Variants in RPH3A observed in about 807,000 individuals in gnomAD.
The protein encoded by RPH3A is rabphilin 3A.
In RPH3A, 48 loss-of-function variants were observed where a neutral mutation model predicts 102.2. That is an observed-to-expected ratio of 0.47 (90% confidence interval 0.37 to 0.60). RPH3A has a LOEUF of 0.60. Ranked by LOEUF, RPH3A falls within the 20% of genes least tolerant of loss-of-function variation. The pLI is 0.00. For missense variants in RPH3A, 781 were observed against 910.1 expected, an observed-to-expected ratio of 0.86 and a Z score of 1.83; for synonymous variants, 310 against 324.3, an observed-to-expected ratio of 0.96 and a Z score of 0.47.
At chr12:112,591,074 T>C (rs2039474124) in intron 1 of RPH3A, among the ~76,000 whole-genome samples, 1 of 152,080 alleles carries the variant, frequency 6.6e-6, no homozygotes, top group African/African-American at 2.4e-5. Context: ...CACCTCAGCC[T>C]CCTAAGTAGC....
chr12:112,838,390 T>C (rs1565910996), intron 4 of RPH3A, among the ~76,000 whole-genome samples: 1 of 152,254 alleles, frequency 6.6e-6, no homozygotes. Flanking sequence ...CCTTCTGCAC[T>C]CCCATTAGTC....
chr12:112,738,728 TC>T, intron 1 of RPH3A, among the ~76,000 whole-genome samples: 1 of 152,276 alleles, frequency 6.6e-6, no homozygotes, highest in East Asian at 1.9e-4. Flanking sequence ...ATTAAACCCG[TC>T]CCATCACAGC....
intron 1 of RPH3A, among the ~76,000 whole-genome samples, chr12:112,764,925 G>T (rs749975823): frequency 7.2e-5 from 11 of 152,096 alleles, no homozygotes; most frequent in Non-Finnish European, 1.6e-4. Flanking sequence ...TACTTAACGT[G>T]ATGTCTATTT....
intron 1 of RPH3A, among the ~76,000 whole-genome samples, chr12:112,735,294 G>A (rs1030095872): frequency 6.6e-6 from 1 of 152,302 alleles, no homozygotes; most frequent in South Asian, 2.1e-4. Context: ...AATTCCACTG[G>A]GACCCTAAAG....
chr12:112,658,104 C>T (rs181921624), intron 1 of RPH3A, among the ~76,000 whole-genome samples: 1 of 152,268 alleles, frequency 6.6e-6, no homozygotes, highest in Admixed American at 6.5e-5. Context: ...AGTAGGGCAT[C>T]TCTGGAAGAC....
intron 19 of RPH3A, 116 bp downstream of exon 19, chr12:112,891,119 G>GA: frequency 3.4e-6 from 4 of 1,193,900 alleles, no homozygotes; most frequent in Non-Finnish European, 4.7e-6. Context: ...AGAGGGCAAG[G>GA]AACCTGCCCA....
At chr12:112,695,823 C>G (rs1480140547) in intron 1 of RPH3A, among the ~76,000 whole-genome samples, 4 of 151,960 alleles carry the variant, frequency 2.6e-5, no homozygotes, top group African/African-American at 9.7e-5. Context: ...GTTTTTTTTG[C>G]TACTAGTTAT....
intron 1 of RPH3A, among the ~76,000 whole-genome samples, chr12:112,588,399 C>T (rs887329990): frequency 2.0e-5 from 3 of 148,438 alleles, no homozygotes; most frequent in Admixed American, 1.3e-4. Flanking sequence ...AAAGAAAGTG[C>T]GTGCAGGGGA....
intron 5 of RPH3A, among the ~76,000 whole-genome samples, chr12:112,861,506 G>A (rs752044355): frequency 6.6e-6 from 1 of 152,226 alleles, no homozygotes; most frequent in Non-Finnish European, 1.5e-5. Flanking sequence ...CCCCGTGGCT[G>A]TACATGGCAC....
intron 1 of RPH3A, among the ~76,000 whole-genome samples, chr12:112,734,624 G>C (rs1162975785): frequency 1.3e-5 from 2 of 152,194 alleles, no homozygotes; most frequent in Admixed American, 6.5e-5. Flanking sequence ...TGGGCTGCTG[G>C]ACTCAGGATA....
intron 1 of RPH3A, among the ~76,000 whole-genome samples, chr12:112,764,456 T>A (rs1220010136): frequency 6.6e-6 from 1 of 152,164 alleles, no homozygotes; most frequent in Non-Finnish European, 1.5e-5. Flanking sequence ...TTTGAAGGTA[T>A]AAGACTCAGT....
At chr12:112,894,518 C>T in intron 19 of RPH3A, 60 bp from the exon 20 acceptor site, 4 of 1,497,032 alleles carry the variant, frequency 2.7e-6, no homozygotes, top group Non-Finnish European at 3.7e-6. Context: ...CCTTTGGGGT[C>T]AAGAGGCTGT....
At chr12:112,769,285 T>G (rs970127731) in intron 1 of RPH3A, among the ~76,000 whole-genome samples, 4 of 152,248 alleles carry the variant, frequency 2.6e-5, no homozygotes, top group Non-Finnish European at 5.9e-5. Context: ...CATTGGGTGC[T>G]GGTTTTAGAG....
intron 1 of RPH3A, among the ~76,000 whole-genome samples, chr12:112,727,804 C>T (rs1271798341): frequency 6.6e-6 from 1 of 152,100 alleles, no homozygotes; most frequent in Admixed American, 6.6e-5. Context: ...AATGAAACCA[C>T]ACAGTGTCTA....
intron 12 of RPH3A, 88 bp downstream of exon 12, chr12:112,875,829 C>T (rs2042788882): frequency 1.7e-6 from 2 of 1,191,310 alleles, no homozygotes; most frequent in Non-Finnish European, 2.5e-6. Context: ...CAGAACGTGA[C>T]TCAGCCTGCA....
intron 1 of RPH3A, among the ~76,000 whole-genome samples, chr12:112,711,834 A>AT (rs1280828367): frequency 1.5e-4 from 23 of 151,756 alleles, no homozygotes; most frequent in African/African-American, 5.3e-4. Context: ...TCTCTGTACA[A>AT]TTTTTTTCTT....
Position 112,580,528 on chromosome 12 carries a change from C to G in RPH3A, c.-140+5209C>G, listed in dbSNP as rs538538627. On this transcript the variant is annotated intron_variant, in intron 1 of 21. Coordinates refer to the RPH3A transcript ENST00000543106. The stretch of plus-strand genomic sequence containing the variant: ...GCGCCATTCTCCTGCCTCAGCCTCC[C>G]GAGTAGCTGGGACCACCGGCGCCCG... Among the ~76,000 whole-genome samples, 600 of 151,118 alleles carry G rather than the reference C, an allele frequency of 4.0e-3. 5 individuals carry two copies. Among genetic ancestry groups the G allele is most frequent in the African/African-American group, 0.014 (570 of 41,236 alleles).
At chr12:112,859,159 G>A (rs1245782731) in intron 5 of RPH3A, among the ~76,000 whole-genome samples, 1 of 152,102 alleles carries the variant, frequency 6.6e-6, no homozygotes, top group African/African-American at 2.4e-5. Context: ...GTCATCAAGG[G>A]TCCTTCCATT....
chr12:112,744,819 C>A (rs1212762182), intron 1 of RPH3A, among the ~76,000 whole-genome samples: 1 of 152,174 alleles, frequency 6.6e-6, no homozygotes, highest in Non-Finnish European at 1.5e-5. Context: ...TGTTTGGATT[C>A]TTCTTTCAGT....
Sources: allele counts gnomAD v4.1 joint callset (sites outside exome capture counted in the v4.1 genomes callset), GRCh38; gene constraint gnomAD v4.1.1; transcripts MANE v1.5; gene names NCBI Gene and HGNC (gene_info 2026-07-23, HGNC 2026-07-21).